Variants in SAMD4A observed in about 807,000 individuals in gnomAD.
SAMD4A encodes protein Smaug homolog 1.
A neutral mutation model predicts 81.3 loss-of-function variants in SAMD4A; 33 were observed. The ratio of observed to expected loss-of-function variants is 0.41; its 90% CI spans 0.31 to 0.54. The LOEUF is 0.54. Ranked by LOEUF, SAMD4A falls within the 20% of genes least tolerant of loss-of-function variation. The probability of loss-of-function intolerance (pLI) is 0.37; values close to 1 mark genes in which losing one functional copy is unlikely to be tolerated. For missense variants in SAMD4A, 854 were observed against 951.1 expected, an observed-to-expected ratio of 0.90 and a Z score of 1.34; for synonymous variants, 389 against 382.1, an observed-to-expected ratio of 1.02 and a Z score of -0.21.
At chr14:54,602,374 A>ACG (rs1555335082) in intron 2 of SAMD4A, among the ~76,000 whole-genome samples, 28 of 143,488 alleles carry the variant, frequency 2.0e-4, no homozygotes, top group Non-Finnish European at 3.5e-4. Flanking sequence ...ACACACACAC[A>ACG]CGAAACACCA....
intron 2 of SAMD4A, among the ~76,000 whole-genome samples, chr14:54,586,207 T>A (rs1431190420): frequency 6.6e-6 from 1 of 152,218 alleles, no homozygotes; most frequent in African/African-American, 2.4e-5. Context: ...TTTTTCCATA[T>A]GCTTGTTGGC....
chr14:54,735,568 C>T (rs1174165795), intron 3 of SAMD4A, among the ~76,000 whole-genome samples: 1 of 152,166 alleles, frequency 6.6e-6, no homozygotes, highest in African/African-American at 2.4e-5. Flanking sequence ...GCCCTTCTGG[C>T]CACACAAGGC....
intron 2 of SAMD4A, among the ~76,000 whole-genome samples, chr14:54,672,614 T>C (rs1451610369): frequency 1.3e-5 from 2 of 152,210 alleles, no homozygotes; most frequent in Non-Finnish European, 2.9e-5. Flanking sequence ...ATAAAGGTTA[T>C]CATGAATTTT....
intron 9 of SAMD4A, among the ~76,000 whole-genome samples, chr14:54,773,478 G>A (rs987251274): frequency 3.3e-5 from 5 of 152,206 alleles, no homozygotes; most frequent in Non-Finnish European, 5.9e-5. Flanking sequence ...TTCTTGGAAA[G>A]AATGTGCTGG....
Position 54,760,143 on chromosome 14 carries a change from C to T in SAMD4A, c.1177-18C>T, listed in dbSNP as rs2038353364. On this transcript the variant is annotated intron_variant, in intron 6 of 12. Transcript: ENST00000554335. ...TATTCCTGAGCCTAACAGAGGTCTT[C>T]CTGCTCTCACCGTCCAGGACATCAT... 10 of 1,606,240 alleles carry T rather than the reference C, an allele frequency of 6.2e-6. No homozygotes were observed. In the Admixed American group the frequency reaches 6.7e-5, roughly 11 times the overall value.
intron 2 of SAMD4A, among the ~76,000 whole-genome samples, chr14:54,608,688 C>T (rs1594728462): frequency 1.3e-5 from 2 of 152,152 alleles, no homozygotes; most frequent in East Asian, 3.9e-4. Flanking sequence ...TTTACACTAG[C>T]TGGAGAAAGG....
chr14:54,761,550 C>T (rs1258179487), intron 7 of SAMD4A, among the ~76,000 whole-genome samples: 1 of 152,192 alleles, frequency 6.6e-6, no homozygotes, highest in Non-Finnish European at 1.5e-5. Flanking sequence ...GTGCACACCT[C>T]CCCCTCTGCC....
chr14:54,637,000 G>A (rs1420705239), intron 2 of SAMD4A, among the ~76,000 whole-genome samples: 1 of 152,102 alleles, frequency 6.6e-6, no homozygotes, highest in African/African-American at 2.4e-5. Context: ...GGAACTGCAT[G>A]AGCTCACCAG....
chr14:54,724,007 T>TGGATGGAAGGAAGGAAGGAAGGAAGGAA lies in SAMD4A; in HGVS notation c.716-13014_716-13013insTGGAAGGAAGGAAGGAAGGAAGGAAGGA, dbSNP rs1555347506. On this transcript the variant is annotated intron_variant, in intron 3 of 12. Coordinates refer to ENST00000554335, the MANE Select transcript of SAMD4A (RefSeq NM_015589.6). ...AGCAAATATTGGATGGATGGATGGA[T>TGGATGGAAGGAAGGAAGGAAGGAAGGAA]GGAAGGAAGGAAGGAAGGAAGGAAG... is the stretch of plus-strand genomic sequence containing the variant. 1.8e-4 allele frequency among the ~76,000 whole-genome samples: 22 copies of TGGATGGAAGGAAGGAAGGAAGGAAGGAA among 124,246 alleles called. No homozygotes were observed. In the East Asian group the frequency reaches 3.2e-3, roughly 18 times the overall value. 81.5% of individuals were successfully genotyped at this position (124,246 alleles called of 152,430 possible).
chr14:54,589,528 G>C (rs1177231908), intron 2 of SAMD4A, among the ~76,000 whole-genome samples: 2 of 152,124 alleles, frequency 1.3e-5, no homozygotes, highest in Non-Finnish European at 2.9e-5. Flanking sequence ...ACATCCACTA[G>C]AGCCAGTGAT....
At chr14:54,691,364 AT>A (rs1212766873) in intron 2 of SAMD4A, among the ~76,000 whole-genome samples, 10 of 152,032 alleles carry the variant, frequency 6.6e-5, no homozygotes, top group African/African-American at 1.9e-4. Context: ...AGTCCTCCTG[AT>A]TCTGGTCCAG....
intron 6 of SAMD4A, among the ~76,000 whole-genome samples, chr14:54,756,029 G>C (rs1244152605): frequency 6.6e-6 from 1 of 152,122 alleles, no homozygotes; most frequent in African/African-American, 2.4e-5. Context: ...AACACATCCA[G>C]ATCTTGTCCT....
intron 6 of SAMD4A, among the ~76,000 whole-genome samples, chr14:54,757,808 G>A (rs2038286361): frequency 6.6e-6 from 1 of 152,164 alleles, no homozygotes; most frequent in South Asian, 2.1e-4. Flanking sequence ...GGGCTGGTTG[G>A]GCCGTTGGCA....
chr14:54,702,019 G>T (rs757638773), intron 2 of SAMD4A, 43 bp from the exon 3 acceptor site: 22 of 1,591,004 alleles, frequency 1.4e-5, no homozygotes, highest in Admixed American at 1.7e-5. Flanking sequence ...TAGAGTCACT[G>T]TGGGTGTATT....
At chr14:54,581,577 A>T (rs1379439432) in intron 2 of SAMD4A, among the ~76,000 whole-genome samples, 1 of 152,192 alleles carries the variant, frequency 6.6e-6, no homozygotes. Context: ...AGTATGAAGG[A>T]CTCAGGTGTC....
At chr14:54,731,572 T>C (rs1329151547) in intron 3 of SAMD4A, among the ~76,000 whole-genome samples, 1 of 152,240 alleles carries the variant, frequency 6.6e-6, no homozygotes, top group Non-Finnish European at 1.5e-5. Context: ...CTATGACTTA[T>C]TTTTATAAGG....
intron 6 of SAMD4A, among the ~76,000 whole-genome samples, chr14:54,757,381 A>ATT (rs1282820667): frequency 2.1e-5 from 2 of 95,810 alleles, no homozygotes; most frequent in African/African-American, 4.6e-5. Context: ...TGGTTTCTTT[A>ATT]TTTGTGTGTG....
rs1227349163 is a variant in SAMD4A, at chr14:54,706,294, A to AAAG, written c.715+3729_715+3731dup. Reference sequence around the variant, plus strand: ...AGACTTAGTCTCAAAAAAAAAAAAAAAAGAAGAAGAAGAAGAAAGAAAAAA... The same window carrying AAAG: ...AGACTTAGTCTCAAAAAAAAAAAAAAAAGAAGAAGAAGAAGAAGAAAGAAAAAA... On this transcript the variant is annotated intron_variant, in intron 3 of 12. Coordinates refer to ENST00000554335, the MANE Select transcript of SAMD4A (RefSeq NM_015589.6). Among the ~76,000 whole-genome samples, 6 of 139,960 alleles carry AAAG rather than the reference A, an allele frequency of 4.3e-5. No homozygotes were observed. The East Asian group carries it at 1.5e-3, about 34-fold the overall frequency. 91.8% of individuals were successfully genotyped at this position (139,960 alleles called of 152,430 possible). A position where few individuals can be genotyped will look rare whatever the true frequency, so the allele number is the denominator to read the frequency against.
At chr14:54,727,746 T>C (rs11845379) in intron 3 of SAMD4A, among the ~76,000 whole-genome samples, 46,317 of 152,016 alleles carry the variant, frequency 0.3, 7,969 homozygotes, top group African/African-American at 0.47. Context: ...TTTAGCAATA[T>C]GTGAGTTTAC....
Sources: allele counts gnomAD v4.1 joint callset (sites outside exome capture counted in the v4.1 genomes callset), GRCh38; gene constraint gnomAD v4.1.1; transcripts MANE v1.5; gene names NCBI Gene and HGNC (gene_info 2026-07-23, HGNC 2026-07-21).